RBFOX1: variants seen among roughly 807,000 people sequenced by gnomAD.
RBFOX1 encodes RNA binding fox-1 homolog 1, also known as RNA binding protein fox-1 homolog 1.
In RBFOX1, 8 loss-of-function variants were observed where a neutral mutation model predicts 57.7. That is an observed-to-expected ratio of 0.14 (90% CI 0.08 to 0.25). The LOEUF (loss-of-function observed/expected upper bound fraction) is 0.25, where lower values mean the gene tolerates loss of function less well. Ranked by LOEUF, RBFOX1 falls within the 10% of genes least tolerant of loss-of-function variation. The pLI, the probability that RBFOX1 is intolerant of heterozygous loss-of-function variation, is 1.00. For missense variants in RBFOX1, 611 were observed against 548.5 expected, an observed-to-expected ratio of 1.11 and a Z score of -1.14; for synonymous variants, 326 against 222.4, an observed-to-expected ratio of 1.47 and a Z score of -4.15.
At chr16:7,129,969 A>C (rs1257211925) in intron 4 of RBFOX1, among the ~76,000 whole-genome samples, 1 of 151,966 alleles carries the variant, frequency 6.6e-6, no homozygotes, top group Non-Finnish European at 1.5e-5. Context: ...AGCAATACCA[A>C]ATAGGATATA....
intron 3 of RBFOX1, among the ~76,000 whole-genome samples, chr16:6,927,247 T>A (rs1437083727): frequency 6.6e-6 from 1 of 151,420 alleles, no homozygotes; most frequent in African/African-American, 2.4e-5. Flanking sequence ...TTCCCATCTC[T>A]ACTAAAAATA....
At chr16:6,104,490 T>C (rs2096354084) in intron 1 of RBFOX1, among the ~76,000 whole-genome samples, 1 of 152,202 alleles carries the variant, frequency 6.6e-6, no homozygotes, top group Non-Finnish European at 1.5e-5. Flanking sequence ...CAATTATCTT[T>C]AGAAAATTTA....
intron 5 of RBFOX1, among the ~76,000 whole-genome samples, chr16:7,549,323 G>C (rs569372354): frequency 1.3e-5 from 2 of 152,316 alleles, no homozygotes; most frequent in South Asian, 4.1e-4. Flanking sequence ...AGGTTATAAA[G>C]GTAGGTAGGG....
chr16:5,981,921 A>C (rs2060182009), intron 4 of RBFOX1, among the ~76,000 whole-genome samples: 2 of 152,164 alleles, frequency 1.3e-5, no homozygotes, highest in African/African-American at 2.4e-5. Context: ...CCCATAGTGC[A>C]CCCCCTCACC....
chr16:5,608,327 T>A (rs9934529), intron 3 of RBFOX1, among the ~76,000 whole-genome samples: 2 of 152,002 alleles, frequency 1.3e-5, no homozygotes, highest in African/African-American at 4.8e-5. Flanking sequence ...GCAGCAGCCG[T>A]CTGAGCAGTC....
chr16:5,640,275 G>A (rs552648114), intron 3 of RBFOX1, among the ~76,000 whole-genome samples: 6 of 152,244 alleles, frequency 3.9e-5, no homozygotes, highest in South Asian at 2.1e-4. Context: ...TTTAGCCATC[G>A]GTCTGAAAGT....
intron 3 of RBFOX1, among the ~76,000 whole-genome samples, chr16:5,687,641 G>A (rs1469742843): frequency 2.0e-5 from 3 of 152,158 alleles, no homozygotes; most frequent in Non-Finnish European, 4.4e-5. Flanking sequence ...CATGAAACCA[G>A]TATGCTCCTA....
chr16:5,924,266 T>C (rs891133363), intron 4 of RBFOX1, among the ~76,000 whole-genome samples: 6 of 152,186 alleles, frequency 3.9e-5, no homozygotes, highest in African/African-American at 7.2e-5. Context: ...TATTTCTTCA[T>C]AGCAGAGTAA....
chr16:5,953,816 C>T (rs907329457), intron 4 of RBFOX1, among the ~76,000 whole-genome samples: 9 of 151,924 alleles, frequency 5.9e-5, no homozygotes, highest in African/African-American at 1.7e-4. Context: ...TGTAAACCTG[C>T]GTGTGCAAGT....
At chr16:5,288,587 C>G (rs1345696551) in intron 1 of RBFOX1, among the ~76,000 whole-genome samples, 10 of 150,978 alleles carry the variant, frequency 6.6e-5, no homozygotes, top group Non-Finnish European at 1.2e-4. Context: ...CTTGTAATCC[C>G]TGGTATTGGA....
intron 4 of RBFOX1, chr16:7,332,662 C>G: frequency 7.2e-6 from 3 of 418,390 alleles, no homozygotes; most frequent in South Asian, 6.4e-5. Flanking sequence ...GTCTCTTGGT[C>G]TCTCTCTCTG....
chr16:5,536,414 T>C (rs1352569630), intron 2 of RBFOX1, among the ~76,000 whole-genome samples: 1 of 151,868 alleles, frequency 6.6e-6, no homozygotes, highest in Non-Finnish European at 1.5e-5. Flanking sequence ...TTTGCATTTT[T>C]AGTAGAGATG....
At chr16:5,565,295 T>C (rs1411439538) in intron 2 of RBFOX1, among the ~76,000 whole-genome samples, 1 of 152,134 alleles carries the variant, frequency 6.6e-6, no homozygotes, top group African/African-American at 2.4e-5. Context: ...GTGCGTGTGT[T>C]CATGTGCATG....
intron 2 of RBFOX1, among the ~76,000 whole-genome samples, chr16:6,425,950 A>G (rs976244224): frequency 2.6e-5 from 4 of 151,602 alleles, no homozygotes; most frequent in African/African-American, 9.7e-5. Context: ...ACCCCTCCCC[A>G]TTTACCCCTC....
chr16:5,831,473 T>TTTATTA (rs149535816), intron 3 of RBFOX1, among the ~76,000 whole-genome samples: 25,584 of 141,288 alleles, frequency 0.18, 2,418 homozygotes, highest in Non-Finnish European at 0.21. Context: ...TCTTTTCTCT[T>TTTATTA]TTATTATTAT....
intron 4 of RBFOX1, among the ~76,000 whole-genome samples, chr16:7,419,725 C>G (rs866935306): frequency 6.6e-6 from 1 of 152,272 alleles, no homozygotes. Context: ...GTTTACCTCT[C>G]CTGCATTTTG....
chr16:7,409,292 G>C (rs80129387), intron 4 of RBFOX1, among the ~76,000 whole-genome samples: 1,880 of 152,288 alleles, frequency 0.012, 43 homozygotes, highest in African/African-American at 0.043. Flanking sequence ...CTGTAGCTTT[G>C]TTCTGAACCG....
intron 3 of RBFOX1, among the ~76,000 whole-genome samples, chr16:6,931,340 T>TATCTCTATCTACAC (rs1555640312): frequency 4.1e-4 from 44 of 107,000 alleles, no homozygotes; most frequent in African/African-American, 1.5e-3. Flanking sequence ...TATCTATCTC[T>TATCTCTATCTACAC]ACACACACAC....
chr16:6,464,951 C>G (rs990383200), intron 2 of RBFOX1, among the ~76,000 whole-genome samples: 4 of 152,210 alleles, frequency 2.6e-5, no homozygotes, highest in African/African-American at 9.7e-5. Context: ...CTGTTGCCCT[C>G]GGGCAAATCA....
Sources: allele counts gnomAD v4.1 joint callset (sites outside exome capture counted in the v4.1 genomes callset), GRCh38; gene constraint gnomAD v4.1.1; transcripts MANE v1.5; gene names NCBI Gene and HGNC (gene_info 2026-07-23, HGNC 2026-07-21).